The following MICU1 variants were observed in gnomAD, a reference collection of about 807,000 sequenced individuals.
MICU1 encodes the protein calcium uptake protein 1, mitochondrial.
A neutral mutation model predicts 56.8 loss-of-function variants in MICU1; 45 were observed. The ratio of observed to expected loss-of-function variants is 0.79; its 90% CI spans 0.62 to 1.02. The LOEUF is 1.02. MICU1 is among the 50% of genes least tolerant of loss of function. The pLI is 0.00. For missense variants in MICU1, 504 were observed against 587.1 expected (o/e 0.86, Z 1.46); for synonymous variants, 186 against 195.1 (o/e 0.95, Z 0.39).
chr10:72,469,041 T>C (rs1176547750), intron 8 of MICU1, among the ~76,000 whole-genome samples: 1 of 152,230 alleles, frequency 6.6e-6, no homozygotes, highest in Non-Finnish European at 1.5e-5. Flanking sequence ...TACCTCTTTG[T>C]GTTTCAGTTT....
chr10:72,438,325 A>T (rs1275384153), intron 8 of MICU1, among the ~76,000 whole-genome samples: 2 of 152,354 alleles, frequency 1.3e-5, no homozygotes, highest in African/African-American at 4.8e-5. Context: ...ATGAAGGCAG[A>T]AATAAAGATG....
chr10:72,547,144 C>T (rs574647507), intron 4 of MICU1, among the ~76,000 whole-genome samples: 3 of 152,142 alleles, frequency 2.0e-5, no homozygotes, highest in South Asian at 2.1e-4. Context: ...CTGTCCATGT[C>T]GGCCTCCCAA....
intron 10 of MICU1, among the ~76,000 whole-genome samples, chr10:72,386,492 C>CT (rs1862893148): frequency 6.6e-6 from 1 of 151,040 alleles, no homozygotes; most frequent in African/African-American, 2.4e-5. Context: ...AAGGGACTAT[C>CT]TTTTTGAAGT....
chr10:72,558,433 T>C (rs897357010), intron 3 of MICU1, among the ~76,000 whole-genome samples: 1 of 152,086 alleles, frequency 6.6e-6, no homozygotes, highest in Non-Finnish European at 1.5e-5. Flanking sequence ...TCATAGTATA[T>C]GGGATATGAA....
chr10:72,465,129 T>A (rs954363368), intron 8 of MICU1, among the ~76,000 whole-genome samples: 4 of 151,916 alleles, frequency 2.6e-5, no homozygotes, highest in Non-Finnish European at 5.9e-5. Context: ...GCCTCCCGAG[T>A]AGCTGGAATT....
intron 1 of MICU1, among the ~76,000 whole-genome samples, chr10:72,584,023 A>T (rs1387174788): frequency 6.6e-6 from 1 of 152,250 alleles, no homozygotes. Context: ...AAGTCTCTAC[A>T]GTATAAAATG....
At chr10:72,536,339 GTTAA>G (rs1477014393) in intron 4 of MICU1, among the ~76,000 whole-genome samples, 1 of 151,804 alleles carries the variant, frequency 6.6e-6, no homozygotes, top group African/African-American at 2.4e-5. Flanking sequence ...TAAAAATAAG[GTTAA>G]TTAATTAATT....
chr10:72,521,491 C>T (rs531777842), intron 5 of MICU1, among the ~76,000 whole-genome samples: 1 of 152,182 alleles, frequency 6.6e-6, no homozygotes, highest in South Asian at 2.1e-4. Flanking sequence ...GATTTATTCT[C>T]TTTAGTAAAT....
chr10:72,526,887 GT>G (rs760757947), intron 5 of MICU1, among the ~76,000 whole-genome samples: 3 of 140,722 alleles, frequency 2.1e-5, no homozygotes, highest in Non-Finnish European at 4.5e-5. Context: ...AAAGATCCAA[GT>G]TTTCAAATAC....
At chr10:72,489,881 C>G (rs1409931463) in intron 6 of MICU1, among the ~76,000 whole-genome samples, 1 of 152,126 alleles carries the variant, frequency 6.6e-6, no homozygotes, top group Non-Finnish European at 1.5e-5. Flanking sequence ...GAAATTTAAG[C>G]CACATCTGGG....
At chr10:72,435,414 G>C (rs900258469) in intron 8 of MICU1, among the ~76,000 whole-genome samples, 2 of 149,936 alleles carry the variant, frequency 1.3e-5, no homozygotes, top group African/African-American at 4.9e-5. Context: ...AAAAAAAAGT[G>C]GGGGGCGTTC....
rs148050902 is a variant in MICU1 at position 72,547,210 on chromosome 10, T to G, written c.493+3969A>C. Reference sequence around the variant, plus strand: ...GCCCGGCCTCTGCTAATTTTTTTACTTTTATTTTTATAGAGACAGGGTCTC... The same window carrying G: ...GCCCGGCCTCTGCTAATTTTTTTACGTTTATTTTTATAGAGACAGGGTCTC... On this transcript the variant is annotated intron_variant, in intron 4 of 11. Coordinates refer to ENST00000361114, the MANE Select transcript of MICU1 (RefSeq NM_001195518.2). Among the ~76,000 whole-genome samples, 917 of 152,070 alleles carry G rather than the reference T, an allele frequency of 6.0e-3. 14 individuals are homozygous for G. The highest frequency in any genetic ancestry group is 0.035 in the East Asian group (181 of 5,174).
intron 5 of MICU1, among the ~76,000 whole-genome samples, chr10:72,511,501 G>T (rs1867446710): frequency 6.6e-6 from 1 of 152,168 alleles, no homozygotes; most frequent in Non-Finnish European, 1.5e-5. Context: ...ATGGCTCAAA[G>T]GGGAAATGTA....
At chr10:72,376,269 G>A (rs965468005) in intron 10 of MICU1, among the ~76,000 whole-genome samples, 8 of 149,972 alleles carry the variant, frequency 5.3e-5, no homozygotes, top group East Asian at 1.9e-4. Context: ...GTGAGACTCC[G>A]TTTCAAAAAA....
At chr10:72,413,927 A>C (rs1188086860) in intron 9 of MICU1, among the ~76,000 whole-genome samples, 2 of 152,202 alleles carry the variant, frequency 1.3e-5, no homozygotes, top group Non-Finnish European at 2.9e-5. Flanking sequence ...AATCACAATG[A>C]TATACCACTA....
At chr10:72,592,112 C>A (rs577697761) in intron 1 of MICU1, among the ~76,000 whole-genome samples, 1 of 148,800 alleles carries the variant, frequency 6.7e-6, no homozygotes, top group Non-Finnish European at 1.5e-5. Context: ...CAGGTTCAAG[C>A]GATTCTCCTG....
intron 8 of MICU1, among the ~76,000 whole-genome samples, chr10:72,462,515 A>G (rs1325773207): frequency 6.6e-6 from 1 of 152,194 alleles, no homozygotes; most frequent in Non-Finnish European, 1.5e-5. Flanking sequence ...TTTTGTTTGA[A>G]TATATACTAC....
chr10:72,384,235 ACCAC>A (rs1169636414), intron 10 of MICU1, among the ~76,000 whole-genome samples: 1 of 152,016 alleles, frequency 6.6e-6, no homozygotes, highest in African/African-American at 2.4e-5. Flanking sequence ...GCTCAAGCGA[ACCAC>A]CCACCTTGGC....
At chr10:72,474,270 AAAAAAAAAAAAAAAAAAGAAG>A (rs1222475526) in intron 8 of MICU1, among the ~76,000 whole-genome samples, 3 of 149,500 alleles carry the variant, frequency 2.0e-5, no homozygotes, top group Admixed American at 2.0e-4. Context: ...AAAAAAAAAA[AAAAAAAAAAAAAAAAAAGAAG>A]AAAAAGAAAA....
Sources: gnomAD v4.1 joint callset for allele counts (sites outside exome capture counted in the v4.1 genomes callset) on GRCh38, gnomAD v4.1.1 for gene constraint, MANE v1.5 for transcripts, NCBI Gene and HGNC (gene_info 2026-07-23, HGNC 2026-07-21) for gene names.